Variants in PTPRG observed in about 807,000 individuals in gnomAD.
PTPRG encodes the protein protein tyrosine phosphatase receptor type G, also known as receptor-type tyrosine-protein phosphatase gamma.
In PTPRG, 102 loss-of-function variants were observed where a neutral mutation model predicts 165.3. The ratio of observed to expected loss-of-function variants is 0.62; its 90% confidence interval spans 0.53 to 0.73. PTPRG has a LOEUF of 0.73. Ranked by LOEUF, PTPRG falls within the 30% of genes least tolerant of loss-of-function variation. PTPRG has a pLI of 0.00. For synonymous variants in PTPRG, 675 were observed against 669.5 expected (o/e 1.01, Z -0.13); for missense variants, 1,866 against 1,861.4 (o/e 1.00, Z -0.05).
intron 2 of PTPRG, among the ~76,000 whole-genome samples, chr3:61,889,181 G>GT (rs2038136243): frequency 6.6e-6 from 1 of 152,060 alleles, no homozygotes; most frequent in Non-Finnish European, 1.5e-5. Flanking sequence ...TACTATTATG[G>GT]TTGCCAAGTG....
intron 6 of PTPRG, among the ~76,000 whole-genome samples, chr3:62,150,763 A>G (rs865974664): frequency 6.6e-6 from 1 of 152,166 alleles, no homozygotes; most frequent in Non-Finnish European, 1.5e-5. Context: ...CCTAAAATTA[A>G]TTGGTCCTTT....
Position 62,272,872 on chromosome 3 carries a change from T to C in PTPRG, c.3183-74T>C, listed in dbSNP as rs138913896. On this transcript the variant is annotated intron_variant, in intron 21 of 29. Coordinates refer to ENST00000474889, the MANE Select transcript of PTPRG (RefSeq NM_002841.4). ...AATAATAAAATAAATGGGGTTTAGA[T>C]TGGAATTTTTCGAATCCAAAGTTAA... is the stretch of plus-strand genomic sequence containing the variant. The C allele has an allele frequency of 4.3e-3, 6,074 of 1,403,508 alleles. 22 individuals are homozygous for C. The highest frequency in any genetic ancestry group is 5.3e-3 in the Non-Finnish European group (5,574 of 1,060,076). The allele number at this position is 1,403,508 out of a possible 1,614,324, so 86.9% of individuals were successfully genotyped here.
At chr3:61,836,861 C>A (rs2036481335) in intron 2 of PTPRG, among the ~76,000 whole-genome samples, 1 of 151,690 alleles carries the variant, frequency 6.6e-6, no homozygotes, top group Non-Finnish European at 1.5e-5. Flanking sequence ...TCTCCTGCGT[C>A]AGCCTCCCTA....
intron 1 of PTPRG, among the ~76,000 whole-genome samples, chr3:61,580,923 G>T (rs1000644852): frequency 9.8e-5 from 15 of 152,340 alleles, no homozygotes; most frequent in Admixed American, 9.8e-4. Context: ...AGGTTTTGGA[G>T]TAGTTACAGG....
intron 5 of PTPRG, among the ~76,000 whole-genome samples, chr3:62,123,305 G>A (rs574998930): frequency 7.9e-5 from 12 of 152,234 alleles, no homozygotes; most frequent in Non-Finnish European, 1.6e-4. Context: ...CTTCCTTTTG[G>A]CATTATCATA....
chr3:61,605,066 C>T (rs1226781410), intron 1 of PTPRG, among the ~76,000 whole-genome samples: 1 of 152,132 alleles, frequency 6.6e-6, no homozygotes, highest in Non-Finnish European at 1.5e-5. Flanking sequence ...CTCTGTCCTT[C>T]AGCACATCCA....
At chr3:61,804,630 T>C (rs894103526) in intron 2 of PTPRG, among the ~76,000 whole-genome samples, 7 of 151,954 alleles carry the variant, frequency 4.6e-5, no homozygotes, top group African/African-American at 1.7e-4. Context: ...GCTTATTCTT[T>C]ATTTTTACTG....
chr3:61,720,121 A>ATT (rs796288666), intron 1 of PTPRG, among the ~76,000 whole-genome samples: 3 of 144,460 alleles, frequency 2.1e-5, no homozygotes, highest in African/African-American at 5.1e-5. Context: ...TGACAAGGGA[A>ATT]TTTTTTTTTT....
Position 62,203,288 on chromosome 3 carries a change from C to A in PTPRG, c.1493C>A (p.Pro498His). The change falls in exon 12 of 30, where the codon CCC becomes CAC. Residue 498 changes from proline to histidine, a missense_variant. Coordinates refer to ENST00000474889, the MANE Select transcript of PTPRG (RefSeq NM_002841.4). The surrounding 1 kb of genome is among the most constrained non-coding windows in gnomAD (Gnocchi z 6.4). ...SFVSMATGMG[P>H]SSSGSQATVA... is the part of the protein sequence containing the mutation. ...GTTTCCATGGCAACTGGGATGGGCC[C>A]CTCCTCCAGTGGCAGCCAGGCCACA... 1 of 1,614,004 alleles carries A rather than the reference C, an allele frequency of 6.2e-7. No individual in the cohort carries two copies. Among genetic ancestry groups the A allele is most frequent in the Non-Finnish European group, 8.5e-7 (1 of 1,180,012 alleles).
chr3:61,849,825 A>G (rs1415960950), intron 2 of PTPRG, among the ~76,000 whole-genome samples: 1 of 152,230 alleles, frequency 6.6e-6, no homozygotes, highest in African/African-American at 2.4e-5. Context: ...CCATCGTTCC[A>G]TAACTGCTGA....
At chr3:62,157,277 T>G in intron 7 of PTPRG, 53 bp downstream of exon 7, 16 of 1,571,500 alleles carry the variant, frequency 1.0e-5, no homozygotes, top group Non-Finnish European at 1.3e-5. Context: ...TTGTATTGAC[T>G]TAACGATCCA....
intron 1 of PTPRG, among the ~76,000 whole-genome samples, chr3:61,712,787 CT>C (rs1392742988): frequency 1.3e-5 from 2 of 152,186 alleles, no homozygotes; most frequent in Non-Finnish European, 2.9e-5. Flanking sequence ...GGAATATCTT[CT>C]TTTGCTTATG....
intron 5 of PTPRG, among the ~76,000 whole-genome samples, chr3:62,123,728 G>A (rs1703169417): frequency 6.6e-6 from 1 of 151,992 alleles, no homozygotes; most frequent in Non-Finnish European, 1.5e-5. Flanking sequence ...GAGTTAACAA[G>A]GTTTCACTTA....
chr3:61,736,318 T>C (rs1297271541), intron 1 of PTPRG, among the ~76,000 whole-genome samples: 1 of 152,072 alleles, frequency 6.6e-6, no homozygotes, highest in Non-Finnish European at 1.5e-5. Context: ...AGTTTTTTTT[T>C]CTTGTATGAT....
intron 8 of PTPRG, among the ~76,000 whole-genome samples, chr3:62,191,089 T>C (rs60700348): frequency 0.25 from 37,654 of 150,208 alleles, 5,994 homozygotes; most frequent in African/African-American, 0.46. Context: ...GTCCCGTGCA[T>C]GTGTGTGTGT....
intron 10 of PTPRG, among the ~76,000 whole-genome samples, chr3:62,199,665 G>C (rs1700052271): frequency 6.6e-6 from 1 of 152,140 alleles, no homozygotes; most frequent in Non-Finnish European, 1.5e-5. Context: ...TTTGGTACCT[G>C]TCATAGCAGG....
intron 1 of PTPRG, among the ~76,000 whole-genome samples, chr3:61,608,447 G>A (rs1174562241): frequency 1.3e-5 from 2 of 152,208 alleles, no homozygotes; most frequent in Non-Finnish European, 2.9e-5. Flanking sequence ...GTGGAGAGCT[G>A]CATCTTTCCT....
At chr3:62,042,888 A>C (rs530507336) in intron 4 of PTPRG, among the ~76,000 whole-genome samples, 4 of 152,316 alleles carry the variant, frequency 2.6e-5, no homozygotes, top group African/African-American at 9.6e-5. Flanking sequence ...GAAACACATC[A>C]AGGAGCACAG....
At chr3:61,860,423 T>C (rs533800035) in intron 2 of PTPRG, among the ~76,000 whole-genome samples, 6 of 147,922 alleles carry the variant, frequency 4.1e-5, no homozygotes, top group African/African-American at 1.5e-4. Context: ...TGCTTTTTTT[T>C]GTTTTTGTTC....
Sources: allele counts gnomAD v4.1 joint callset (sites outside exome capture counted in the v4.1 genomes callset), GRCh38; gene constraint gnomAD v4.1.1; non-coding constraint Gnocchi (gnomAD v3.1); transcripts MANE v1.5; gene names NCBI Gene and HGNC (gene_info 2026-07-23, HGNC 2026-07-21).